The following PCID2 variants were observed in gnomAD, a reference collection of about 807,000 sequenced individuals.
The protein encoded by PCID2 is PCI domain containing 2.
Under a neutral mutation model 61.3 loss-of-function variants are expected in PCID2, and 41 were observed. The ratio of observed to expected loss-of-function variants is 0.67; its 90% CI spans 0.52 to 0.87. PCID2 has a LOEUF of 0.87. Ranked by LOEUF, PCID2 falls within the 40% of genes least tolerant of loss-of-function variation. The pLI is 0.00. For synonymous variants in PCID2, 187 were observed against 177.8 expected (o/e 1.05, Z -0.41); for missense variants, 392 against 493.4 (o/e 0.79, Z 1.95).
intron 1 of PCID2, chr13:113,200,748 G>A (rs912860419): frequency 2.4e-5 from 8 of 333,374 alleles, no homozygotes; most frequent in South Asian, 1.1e-4. Flanking sequence ...CGCCCAGGTC[G>A]GACTGCGGAC....
intron 7 of PCID2, chr13:113,188,193 G>A (rs1025557037): frequency 2.0e-5 from 3 of 152,286 alleles, no homozygotes; most frequent in African/African-American, 7.2e-5. Context: ...AGACTGCCAG[G>A]AGTCGAGGAG....
chr13:113,203,055 T>C (rs1293317182), intron 1 of PCID2, among the ~76,000 whole-genome samples: 1 of 152,234 alleles, frequency 6.6e-6, no homozygotes, highest in Non-Finnish European at 1.5e-5. Flanking sequence ...ACTAGGGCCC[T>C]AATCCTGAAC....
Position 113,178,824 on chromosome 13 carries a change from T to C in PCID2, c.1110+142A>G, listed in dbSNP as rs2037349278. The C allele has an allele frequency of 1.2e-5, 8 of 689,462 alleles. No homozygotes were observed. In the South Asian group the frequency reaches 1.7e-4, roughly 14 times the overall value. 42.7% of individuals were successfully genotyped at this position (689,462 alleles called of 1,614,324 possible). On this transcript the variant is annotated intron_variant, in intron 13 of 13. Transcript: ENST00000337344. ...ATGCTCCTAAGGCCCTGGTGAATGG[T>C]ATTTCCTGGGCTAAAATTAGTTCTA...
rs932872360 is a variant in PCID2 at position 113,179,402 on chromosome 13, G to A, written c.987-313C>T. ...ATGGGCTGTGTCTCACAGACTCAGC[G>A]AAATAGGGTCCCTACTGTTTGTGAC... On this transcript the variant is annotated intron_variant, in intron 12 of 13. Transcript: ENST00000337344. The surrounding 1 kb of genome is among the most constrained non-coding windows in gnomAD (Gnocchi z 4.3). 5.9e-5 allele frequency among the ~76,000 whole-genome samples: 9 copies of A among 151,962 alleles called. No homozygotes were observed. The highest frequency in any genetic ancestry group is 4.6e-4 in the Admixed American group (7 of 15,250).
the PCID2 span, among the ~76,000 whole-genome samples, chr13:113,167,884 C>CTA: frequency 6.6e-6 from 1 of 152,230 alleles, no homozygotes; most frequent in South Asian, 2.1e-4. Context: ...GTTAGATTAA[C>CTA]TATATATTGT....
chr13:113,180,310 T>C, intron 10 of PCID2, 79 bp from the exon 11 acceptor site: 1 of 1,128,122 alleles, frequency 8.9e-7, no homozygotes, highest in Non-Finnish European at 1.3e-6. Context: ...ATCAAGGAAT[T>C]AAGTTTTAAG....
downstream of PCID2, among the ~76,000 whole-genome samples, chr13:113,173,678 T>C (rs1001350568): frequency 1.3e-5 from 2 of 152,188 alleles, no homozygotes; most frequent in Admixed American, 1.3e-4. Flanking sequence ...AGCAACACTG[T>C]AATTTAAGGC....
At chr13:113,165,153 T>C in the PCID2 span, 1 of 1,578,214 alleles carries the variant, frequency 6.3e-7, no homozygotes, top group Non-Finnish European at 8.7e-7. Context: ...CTTCAATTTA[T>C]TGTTATGACT....
intron 1 of PCID2, chr13:113,208,201 C>T (rs1239353533): frequency 1.3e-6 from 2 of 1,550,598 alleles, no homozygotes; most frequent in Non-Finnish European, 1.7e-6. Flanking sequence ...GAATTCATCC[C>T]GCATCCTGCT....
In PCID2 at chr13:113,180,189, T is replaced by C; in HGVS notation, c.829A>G (p.Met277Val). Residue 277 changes from methionine (M) to valine (V), a missense_variant, in exon 11 of 14, where the codon ATG (methionine) becomes GTG (valine). Coordinates refer to ENST00000337344, the MANE Select transcript of PCID2 (RefSeq NM_001127202.4). ...TVELLKKYHL[M>V]QFAEVTRAVS... is the part of the protein sequence containing the mutation. ...GCTCTGGTTACTTCCGCAAACTGCA[T>C]CAGGTGATACTTTTTCAGGAGCTCC... The C allele has an allele frequency of 6.2e-7, 1 of 1,614,012 alleles. No homozygotes were observed. The highest frequency in any genetic ancestry group is 1.1e-5 in the South Asian group (1 of 91,086).
Position 113,179,235 on chromosome 13 carries a change from A to G in PCID2, c.987-146T>C, listed in dbSNP as rs1014554629. The G allele has an allele frequency of 3.8e-6, 2 of 529,848 alleles. No homozygotes were observed. Among genetic ancestry groups the G allele is most frequent in the African/African-American group, 3.9e-5 (2 of 51,860 alleles). 32.8% of individuals were successfully genotyped at this position (529,848 alleles called of 1,614,324 possible). ...GATAAACTCTAAACTACACTCTCAG[A>G]GCTATTAAATCTAATTTGACTTTTC... is the stretch of plus-strand genomic sequence containing the variant. On this transcript the variant is annotated intron_variant, in intron 12 of 13. Transcript: ENST00000337344. The surrounding 1 kb of genome is among the most constrained non-coding windows in gnomAD (Gnocchi z 4.3).
At chr13:113,197,336 G>A in intron 3 of PCID2, 93 bp from the exon 4 acceptor site, 1 of 861,634 alleles carries the variant, frequency 1.2e-6, no homozygotes, top group Non-Finnish European at 2.0e-6. Flanking sequence ...AGGTCCCAGT[G>A]GTCCTGGGAT....
At chr13:113,203,039 G>T (rs2039546598) in intron 1 of PCID2, among the ~76,000 whole-genome samples, 1 of 152,218 alleles carries the variant, frequency 6.6e-6, no homozygotes, top group South Asian at 2.1e-4. Context: ...GAATGTTGTT[G>T]GTGGCACTAG....
chr13:113,196,351 A>G (rs2039015730), intron 4 of PCID2, 129 bp from the exon 5 acceptor site: 9 of 640,862 alleles, frequency 1.4e-5, no homozygotes, highest in Admixed American at 7.2e-5. Context: ...CAACAATAGT[A>G]AGTTCTTGAA....
chr13:113,208,145 C>T lies in PCID2; in HGVS notation c.36+454G>A, dbSNP rs555815421. The T allele has an allele frequency of 8.7e-6, 14 of 1,602,656 alleles. No individual in the cohort carries two copies. In the South Asian group the frequency reaches 1.4e-4, roughly 16 times the overall value. ...AGGGGCACGAGCCCGGCCTGCAGCA[C>T]GGCCACAGCCTCGCGCTTACTCCTC... On this transcript the variant is annotated intron_variant, in intron 1 of 13. Transcript: ENST00000337344.
chr13:113,165,986 C>T, the PCID2 span: 43 of 152,388 alleles, frequency 2.8e-4, no homozygotes, highest in African/African-American at 1.0e-3. Context: ...TCTTTTCTTG[C>T]TTTCTGTATA....
In PCID2 at chr13:113,187,127, T is replaced by C. The variant is rs934480794; in HGVS notation, c.468-1567A>G. 6 of 152,124 alleles carry C rather than the reference T, an allele frequency of 3.9e-5. No individual in the cohort carries two copies. The East Asian group carries it at 9.6e-4, about 24-fold the overall frequency. 9.4% of individuals were successfully genotyped at this position (152,124 alleles called of 1,614,324 possible). A position where few individuals can be genotyped will look rare whatever the true frequency, so the allele number is the denominator to read the frequency against. ...TTCCTCATCTGAAAACGGAGACAAA[T>C]AATAATACTGTTCTATGACTTCAAA... is the stretch of plus-strand genomic sequence containing the variant. On this transcript the variant is annotated intron_variant, in intron 7 of 13. Transcript: ENST00000337344.
At chr13:113,187,184 G>A (rs2038192857) in intron 7 of PCID2, 2 of 152,118 alleles carry the variant, frequency 1.3e-5, no homozygotes, top group Admixed American at 1.3e-4. Flanking sequence ...AAACACACAA[G>A]TACTCCGTAA....
intron 1 of PCID2, among the ~76,000 whole-genome samples, chr13:113,202,285 G>A (rs1268279137): frequency 6.6e-6 from 1 of 152,224 alleles, no homozygotes; most frequent in East Asian, 1.9e-4. Context: ...GGGTATGACA[G>A]GGAGGCTGAC....
Sources: gnomAD v4.1 joint callset for allele counts (sites outside exome capture counted in the v4.1 genomes callset) on GRCh38, gnomAD v4.1.1 for gene constraint, Gnocchi (gnomAD v3.1) non-coding constraint, MANE v1.5 for transcripts, NCBI Gene and HGNC (gene_info 2026-07-23, HGNC 2026-07-21) for gene names.